Variants in ARHGAP24 observed in about 807,000 individuals in gnomAD.
ARHGAP24 encodes rho GTPase-activating protein 24.
A neutral mutation model predicts 76.4 loss-of-function variants in ARHGAP24; 50 were observed. That is an observed-to-expected ratio of 0.65 (90% CI 0.52 to 0.83). The LOEUF is 0.83. Among genes scored for constraint, ARHGAP24 ranks in the 40% least tolerant of loss-of-function variants. ARHGAP24 has a pLI of 0.00. For missense variants in ARHGAP24, 930 were observed against 914.2 expected, an observed-to-expected ratio of 1.02 and a Z score of -0.22; for synonymous variants, 345 against 323.3, an observed-to-expected ratio of 1.07 and a Z score of -0.72.
intron 1 of ARHGAP24, among the ~76,000 whole-genome samples, chr4:85,560,888 G>A (rs965941998): frequency 8.5e-5 from 13 of 152,218 alleles, no homozygotes; most frequent in South Asian, 8.3e-4. Context: ...TAGTAACAAC[G>A]GCAAATGTTT....
intron 2 of ARHGAP24, among the ~76,000 whole-genome samples, chr4:85,717,157 G>C (rs1321846854): frequency 6.6e-6 from 1 of 152,040 alleles, no homozygotes; most frequent in Non-Finnish European, 1.5e-5. Flanking sequence ...GGGCCTTATG[G>C]AGCTTAAATC....
At chr4:85,615,217 A>G (rs1720508006) in intron 2 of ARHGAP24, among the ~76,000 whole-genome samples, 1 of 152,074 alleles carries the variant, frequency 6.6e-6, no homozygotes, top group Non-Finnish European at 1.5e-5. Context: ...TGCAGTTTGT[A>G]TACTAACCTT....
At chr4:85,586,657 T>A (rs779982594) in intron 2 of ARHGAP24, among the ~76,000 whole-genome samples, 1 of 152,110 alleles carries the variant, frequency 6.6e-6, no homozygotes, top group African/African-American at 2.4e-5. Flanking sequence ...CCCAGCACTT[T>A]GGAAGGCTGA....
intron 3 of ARHGAP24, among the ~76,000 whole-genome samples, chr4:85,774,061 G>C (rs1727222365): frequency 6.6e-6 from 1 of 152,188 alleles, no homozygotes; most frequent in African/African-American, 2.4e-5. Context: ...AAGGAGGGCT[G>C]TCATGGCACT....
At chr4:85,646,310 T>G (rs1721719998) in intron 2 of ARHGAP24, among the ~76,000 whole-genome samples, 1 of 152,050 alleles carries the variant, frequency 6.6e-6, no homozygotes, top group Non-Finnish European at 1.5e-5. Flanking sequence ...TAAAGAAATA[T>G]GCCATCATCA....
chr4:85,871,767 T>C (rs1373552500), intron 3 of ARHGAP24, among the ~76,000 whole-genome samples: 1 of 152,134 alleles, frequency 6.6e-6, no homozygotes, highest in African/African-American at 2.4e-5. Flanking sequence ...GCTCCATTTG[T>C]TTCATAATTA....
intron 8 of ARHGAP24, among the ~76,000 whole-genome samples, chr4:85,980,461 A>G (rs942137311): frequency 2.6e-5 from 4 of 152,180 alleles, no homozygotes; most frequent in African/African-American, 4.8e-5. Context: ...CATTTGCTCT[A>G]TAACTCGTCA....
In ARHGAP24 at chr4:85,564,526, G is replaced by A. The variant is rs1012289851; in HGVS notation, c.-20-5996G>A. Among the ~76,000 whole-genome samples, 7 of 150,728 alleles carry A rather than the reference G, an allele frequency of 4.6e-5. No individual in the cohort carries two copies. In the East Asian group the frequency reaches 5.9e-4, roughly 13 times the overall value. On this transcript the variant is annotated intron_variant, in intron 1 of 9. Coordinates refer to ENST00000395184, the MANE Select transcript of ARHGAP24 (RefSeq NM_001025616.3). ...CTGCATGTTGTGCACATGGATCCTA[G>A]AACTTAAAGTATAATAATAAAAAAA... is the stretch of plus-strand genomic sequence containing the variant.
At chr4:85,756,844 A>G (rs984203796) in intron 3 of ARHGAP24, among the ~76,000 whole-genome samples, 3 of 152,180 alleles carry the variant, frequency 2.0e-5, no homozygotes, top group Admixed American at 6.5e-5. Flanking sequence ...GTGTTGACCA[A>G]GGGAGTTTGA....
At chr4:85,797,330 G>A (rs1482792335) in intron 3 of ARHGAP24, among the ~76,000 whole-genome samples, 5 of 151,830 alleles carry the variant, frequency 3.3e-5, no homozygotes, top group East Asian at 1.9e-4. Flanking sequence ...CCGCCACCAC[G>A]CCCAGCTAAT....
At chr4:85,823,829 T>G (rs1729583133) in intron 3 of ARHGAP24, among the ~76,000 whole-genome samples, 1 of 151,986 alleles carries the variant, frequency 6.6e-6, no homozygotes, top group Non-Finnish European at 1.5e-5. Flanking sequence ...CTTTCTCCCT[T>G]CTTCCCTAGC....
chr4:85,554,896 G>A (rs1315554282), intron 1 of ARHGAP24, among the ~76,000 whole-genome samples: 1 of 151,100 alleles, frequency 6.6e-6, no homozygotes, highest in Non-Finnish European at 1.5e-5. Context: ...TAGCCAGGAT[G>A]TTCTCAATCT....
At chr4:85,512,018 G>A (rs1490379560) in intron 1 of ARHGAP24, among the ~76,000 whole-genome samples, 1 of 152,160 alleles carries the variant, frequency 6.6e-6, no homozygotes. Flanking sequence ...TTGCACTAGA[G>A]GCCATTCTAC....
rs183929375 is a variant in ARHGAP24 at position 85,791,379 on chromosome 4, T to C, written c.268+69407T>C. Among the ~76,000 whole-genome samples, 272 of 152,306 alleles carry C rather than the reference T, an allele frequency of 1.8e-3. 1 individual carries two copies. Among genetic ancestry groups the C allele is most frequent in the Non-Finnish European group, 1.3e-3 (89 of 68,018 alleles). On this transcript the variant is annotated intron_variant, in intron 3 of 9. Transcript: ENST00000395184. Reference sequence around the variant, plus strand: ...ACAAACGTAAAATATTGCTCTCTACTAAGTGATTAAGATTTGAAAAGTGAC... The same window carrying C: ...ACAAACGTAAAATATTGCTCTCTACCAAGTGATTAAGATTTGAAAAGTGAC...
At chr4:85,488,085 G>A (rs1285281610) in intron 1 of ARHGAP24, among the ~76,000 whole-genome samples, 4 of 150,506 alleles carry the variant, frequency 2.7e-5, no homozygotes, top group Non-Finnish European at 5.9e-5. Context: ...TTTTTGTTGT[G>A]TATATTTTTT....
chr4:85,485,416 T>TATATATAG (rs1283790979), intron 1 of ARHGAP24, among the ~76,000 whole-genome samples: 9 of 115,798 alleles, frequency 7.8e-5, no homozygotes, highest in African/African-American at 2.5e-4. Context: ...TATATATATC[T>TATATATAG]CCTTGGATTT....
intron 1 of ARHGAP24, among the ~76,000 whole-genome samples, chr4:85,476,116 C>G (rs2110084644): frequency 6.7e-6 from 1 of 149,742 alleles, no homozygotes; most frequent in Non-Finnish European, 1.5e-5. Context: ...TTTGTAAACA[C>G]AAAACGTTAG....
chr4:85,895,001 C>CAAAA (rs1222078793), intron 3 of ARHGAP24, among the ~76,000 whole-genome samples: 48 of 54,312 alleles, frequency 8.8e-4, no homozygotes, highest in East Asian at 1.4e-3. Context: ...AAACAAAAAG[C>CAAAA]AAAAAAAAAA....
At chr4:85,485,287 G>A (rs1276777568) in intron 1 of ARHGAP24, among the ~76,000 whole-genome samples, 3 of 132,234 alleles carry the variant, frequency 2.3e-5, no homozygotes, top group Non-Finnish European at 4.6e-5. Context: ...GGTGGAGCTT[G>A]CAGTGAGCCG....
Sources: allele counts gnomAD v4.1 joint callset (sites outside exome capture counted in the v4.1 genomes callset), GRCh38; gene constraint gnomAD v4.1.1; transcripts MANE v1.5; gene names NCBI Gene and HGNC (gene_info 2026-07-23, HGNC 2026-07-21).